ABLIM1: variants seen among roughly 807,000 people sequenced by gnomAD.
ABLIM1 encodes the protein actin-binding LIM protein 1.
In ABLIM1, 40 loss-of-function variants were observed where a neutral mutation model predicts 107.0. That is an observed-to-expected ratio of 0.37 (90% CI 0.29 to 0.49). The LOEUF is 0.49. Among genes scored for constraint, ABLIM1 ranks in the 20% least tolerant of loss-of-function variants. The pLI is 0.97. For missense variants in ABLIM1, 857 were observed against 1,008.5 expected (o/e 0.85, Z 2.04); for synonymous variants, 357 against 357.3 (o/e 1.00, Z 0.01).
chr10:114,431,477 C>T lies in ABLIM1; in HGVS notation c.*4783G>A, dbSNP rs1341005040. The T allele has an allele frequency of 6.6e-6, 1 of 152,224 alleles. No individual in the cohort carries two copies. The highest frequency in any genetic ancestry group is 1.5e-5 in the Non-Finnish European group (1 of 68,044). The allele number at this position is 152,224 out of a possible 1,614,324, so 9.4% of individuals were successfully genotyped here. On this transcript the variant is annotated 3_prime_UTR_variant, in exon 23 of 23. Transcript: ENST00000533213. Reference sequence around the variant, plus strand: ...TAAAATCAAAGAACTCAGAGAGCTTCAATGCGGAGTCATCAGCAACTCGCA... The same window carrying T: ...TAAAATCAAAGAACTCAGAGAGCTTTAATGCGGAGTCATCAGCAACTCGCA...
chr10:114,753,118 CT>C (rs2082553913), intron 1 of ABLIM1, among the ~76,000 whole-genome samples: 2 of 152,130 alleles, frequency 1.3e-5, no homozygotes, highest in South Asian at 4.1e-4. Flanking sequence ...AGTCAATATT[CT>C]TTTTTCTCTG....
chr10:114,609,006 C>CAA (rs111238539), intron 1 of ABLIM1, among the ~76,000 whole-genome samples: 1 of 133,706 alleles, frequency 7.5e-6, no homozygotes. Context: ...GACTCTGCCT[C>CAA]AAAAAAAAAA....
chr10:114,522,859 C>T (rs990476198), intron 6 of ABLIM1, among the ~76,000 whole-genome samples: 1 of 152,114 alleles, frequency 6.6e-6, no homozygotes, highest in Non-Finnish European at 1.5e-5. Flanking sequence ...TGCTTAGAAG[C>T]ATGTAGCTAG....
intron 8 of ABLIM1, among the ~76,000 whole-genome samples, chr10:114,486,771 A>C (rs1277991457): frequency 6.6e-6 from 1 of 152,134 alleles, no homozygotes; most frequent in Non-Finnish European, 1.5e-5. Flanking sequence ...AAAGCACTGC[A>C]TTTGTTCAGG....
chr10:114,665,818 G>A (rs565307727), intron 1 of ABLIM1, among the ~76,000 whole-genome samples: 9 of 152,306 alleles, frequency 5.9e-5, no homozygotes, highest in African/African-American at 2.2e-4. Flanking sequence ...TGAGACCCGG[G>A]AGAGTACTGC....
intron 6 of ABLIM1, 105 bp downstream of exon 6, chr10:114,544,900 G>A: frequency 9.6e-7 from 1 of 1,044,070 alleles, no homozygotes; most frequent in East Asian, 2.4e-5. Flanking sequence ...TTTCTCCACA[G>A]GTGAAAAAAA....
At chr10:114,564,038 C>T (rs1427237961) in intron 4 of ABLIM1, among the ~76,000 whole-genome samples, 1 of 149,974 alleles carries the variant, frequency 6.7e-6, no homozygotes, top group Non-Finnish European at 1.5e-5. Flanking sequence ...AACCTTGATC[C>T]CTGATCCAAA....
chr10:114,665,613 T>C (rs2079993836), intron 1 of ABLIM1, among the ~76,000 whole-genome samples: 1 of 152,186 alleles, frequency 6.6e-6, no homozygotes, highest in Admixed American at 6.5e-5. Flanking sequence ...AAAAGCATAC[T>C]CAATTGTCAT....
intron 2 of ABLIM1, chr10:114,601,618 C>T: frequency 1.3e-6 from 1 of 767,196 alleles, no homozygotes; most frequent in East Asian, 2.8e-5. Flanking sequence ...CAGTGAGCAC[C>T]CAAAGGCCCA....
At chr10:114,785,728 TTTG>T in the ABLIM1 span, among the ~76,000 whole-genome samples, 1 of 152,144 alleles carries the variant, frequency 6.6e-6, no homozygotes, top group African/African-American at 2.4e-5. Flanking sequence ...TGTTTGTTTG[TTTG>T]TTTTGTTTTT....
the ABLIM1 span, chr10:114,779,881 G>T: frequency 6.6e-6 from 1 of 151,398 alleles, no homozygotes; most frequent in Non-Finnish European, 1.5e-5. Flanking sequence ...AAGATCCTCA[G>T]AAATAAAATT....
intron 17 of ABLIM1, among the ~76,000 whole-genome samples, chr10:114,443,527 G>A (rs888291988): frequency 6.6e-6 from 1 of 151,804 alleles, no homozygotes; most frequent in South Asian, 2.1e-4. Flanking sequence ...TGACCAGGCT[G>A]GTCTCAAACT....
At chr10:114,704,271 G>GCTCGCTCTCTCTCT (rs1555225982) in intron 1 of ABLIM1, among the ~76,000 whole-genome samples, 1 of 40,958 alleles carries the variant, frequency 2.4e-5, no homozygotes, top group African/African-American at 7.3e-5. Context: ...TCTCTCTCTC[G>GCTCGCTCTCTCTCT]CTCTCTCTCT....
At chr10:114,788,326 T>TAAAAAAAAAAAA in the ABLIM1 span, among the ~76,000 whole-genome samples, 1 of 131,368 alleles carries the variant, frequency 7.6e-6, no homozygotes, top group Non-Finnish European at 1.6e-5. Flanking sequence ...GAATGATCAA[T>TAAAAAAAAAAAA]AAAAAAATAA....
intron 14 of ABLIM1, among the ~76,000 whole-genome samples, 183 bp from the exon 15 acceptor site, chr10:114,448,203 CTTACT>C (rs2061332309): frequency 6.6e-6 from 1 of 152,208 alleles, no homozygotes; most frequent in Non-Finnish European, 1.5e-5. Context: ...ACTCATTTTC[CTTACT>C]TTACGTCAGA....
rs370001747 is a variant in ABLIM1 at position 114,728,811 on chromosome 10, C to T, written c.-213+39250G>A. ...TAGGAGAATTCAGCTGTATTTGTAA[C>T]ATTTTATTTCTTAAAACAATCTGAA... On this transcript the variant is annotated intron_variant, in intron 1 of 15. Coordinates refer to the ABLIM1 transcript ENST00000651092. Among the ~76,000 whole-genome samples, 3 of 152,202 alleles carry T rather than the reference C, an allele frequency of 2.0e-5. No individual in the cohort carries two copies. The East Asian group carries it at 5.8e-4, about 29-fold the overall frequency.
At chr10:114,541,221 T>C (rs1334637885) in intron 6 of ABLIM1, among the ~76,000 whole-genome samples, 1 of 151,664 alleles carries the variant, frequency 6.6e-6, no homozygotes, top group Admixed American at 6.6e-5. Flanking sequence ...CACCTTGCTT[T>C]CAGACGTCTA....
intron 1 of ABLIM1, among the ~76,000 whole-genome samples, chr10:114,703,395 A>G (rs1199434933): frequency 4.6e-5 from 7 of 152,186 alleles, no homozygotes; most frequent in Non-Finnish European, 1.5e-5. Context: ...TTACGGGAGT[A>G]TTTGTCTGTG....
intron 1 of ABLIM1, among the ~76,000 whole-genome samples, chr10:114,702,735 G>A (rs962971538): frequency 1.3e-5 from 2 of 151,704 alleles, no homozygotes; most frequent in African/African-American, 2.4e-5. Context: ...CCGTAGTCTC[G>A]ATCTCCTGAC....
Sources: gnomAD v4.1 joint callset for allele counts (sites outside exome capture counted in the v4.1 genomes callset) on GRCh38, gnomAD v4.1.1 for gene constraint, MANE v1.5 for transcripts, NCBI Gene and HGNC (gene_info 2026-07-23, HGNC 2026-07-21) for gene names.